Variants in CNOT4 observed in about 807,000 individuals in gnomAD.
The protein encoded by CNOT4 is CCR4-associated factor 4.
A neutral mutation model predicts 73.8 loss-of-function variants in CNOT4; 8 were observed. That is an observed-to-expected ratio of 0.11 (90% CI 0.06 to 0.20). The LOEUF (loss-of-function observed/expected upper bound fraction) is 0.20. CNOT4 is among the 10% of genes least tolerant of loss of function. The probability of loss-of-function intolerance (pLI) is 1.00; values close to 1 mark genes in which losing one functional copy is unlikely to be tolerated. For synonymous variants in CNOT4, 293 were observed against 321.1 expected (o/e 0.91, Z 0.94); for missense variants, 564 against 883.4 (o/e 0.64, Z 4.58).
At chr7:135,453,871 C>G (rs886171310) in intron 1 of CNOT4, among the ~76,000 whole-genome samples, 1 of 119,934 alleles carries the variant, frequency 8.3e-6, no homozygotes, top group Non-Finnish European at 1.8e-5. Context: ...GGTACAGCAG[C>G]TCATGCCTAT....
At chr7:135,406,195 C>T (rs1436585866) in intron 7 of CNOT4, among the ~76,000 whole-genome samples, 2 of 152,000 alleles carry the variant, frequency 1.3e-5, no homozygotes, top group African/African-American at 2.4e-5. Context: ...GCAGACCTTT[C>T]GCTATGACTG....
At chr7:135,416,015 T>C (rs1171620410) in intron 3 of CNOT4, among the ~76,000 whole-genome samples, 3 of 152,162 alleles carry the variant, frequency 2.0e-5, no homozygotes, top group African/African-American at 7.2e-5. Context: ...TCTTACAAAC[T>C]TAACCTTGGC....
At chr7:135,438,514 T>C in intron 1 of CNOT4, 91 bp from the exon 2 acceptor site, 2 of 415,140 alleles carry the variant, frequency 4.8e-6, no homozygotes, top group Non-Finnish European at 8.3e-6. Flanking sequence ...ATTTGAAAAA[T>C]ACTGACTGAG....
intron 10 of CNOT4, among the ~76,000 whole-genome samples, chr7:135,378,984 C>CAA (rs34447722): frequency 0.024 from 2,372 of 96,994 alleles, 35 homozygotes; most frequent in Non-Finnish European, 0.032. Context: ...AACCCTGTCT[C>CAA]AAAAAAAAAA....
intron 7 of CNOT4, among the ~76,000 whole-genome samples, chr7:135,399,662 T>C (rs1371539496): frequency 2.6e-5 from 4 of 152,118 alleles, no homozygotes; most frequent in Admixed American, 2.6e-4. Context: ...ATACCATATT[T>C]AATTGCTCTA....
At chr7:135,479,480 A>G (rs892161443) in intron 1 of CNOT4, among the ~76,000 whole-genome samples, 3 of 151,938 alleles carry the variant, frequency 2.0e-5, no homozygotes, top group Non-Finnish European at 2.9e-5. Flanking sequence ...AAGTGCTGGG[A>G]TTACAGGCAT....
chr7:135,441,330 C>CT (rs1174798427), intron 1 of CNOT4, among the ~76,000 whole-genome samples: 21 of 151,276 alleles, frequency 1.4e-4, no homozygotes, highest in Non-Finnish European at 2.7e-4. Flanking sequence ...TTACTTCTCA[C>CT]TTTTGCTAAT....
chr7:135,500,546 AC>A (rs1448437287), intron 1 of CNOT4, among the ~76,000 whole-genome samples: 1 of 152,152 alleles, frequency 6.6e-6, no homozygotes, highest in Non-Finnish European at 1.5e-5. Flanking sequence ...GTTTAACCAG[AC>A]CTGTTTTTTA....
chr7:135,422,663 T>C (rs1308347097), intron 2 of CNOT4, among the ~76,000 whole-genome samples: 1 of 152,172 alleles, frequency 6.6e-6, no homozygotes, highest in African/African-American at 2.4e-5. Context: ...TATGGGAAGA[T>C]TAAGCCTCTA....
chr7:135,434,541 G>C (rs1799037087), intron 2 of CNOT4, among the ~76,000 whole-genome samples: 1 of 152,182 alleles, frequency 6.6e-6, no homozygotes, highest in South Asian at 2.1e-4. Flanking sequence ...CTGTAATCTG[G>C]ATTTCTTTTT....
intron 1 of CNOT4, among the ~76,000 whole-genome samples, chr7:135,504,318 C>CA (rs1235310246): frequency 1.4e-4 from 20 of 144,696 alleles, no homozygotes; most frequent in African/African-American, 7.7e-5. Flanking sequence ...TTTTTGGAGA[C>CA]AAAGTCTCAC....
rs1156589739 is a variant in CNOT4, at chr7:135,472,476, C to CAAAA, written c.-92-34057_-92-34054dup. ...CGGGCGACAGAGCGAGACACCGACT[C>CAAAA]AAAAAAAAAAAAAAAAAAAAAAAAA... On this transcript the variant is annotated intron_variant, in intron 1 of 11. Transcript: ENST00000541284. 1.3e-4 allele frequency among the ~76,000 whole-genome samples: 2 copies of CAAAA among 15,464 alleles called. 1 individual carries two copies. Among genetic ancestry groups the CAAAA allele is most frequent in the Admixed American group, 3.8e-3 (2 of 526 alleles). 10.1% of individuals were successfully genotyped at this position (15,464 alleles called of 152,430 possible). A position where few individuals can be genotyped will look rare whatever the true frequency, so the allele number is the denominator to read the frequency against.
intron 10 of CNOT4, among the ~76,000 whole-genome samples, chr7:135,383,849 G>A (rs924797561): frequency 6.6e-6 from 1 of 152,154 alleles, no homozygotes; most frequent in African/African-American, 2.4e-5. Flanking sequence ...ACAGGAAACT[G>A]CCTTAATAGA....
chr7:135,393,858 A>T (rs2129483355), intron 10 of CNOT4, 60 bp downstream of exon 10: 1 of 1,214,968 alleles, frequency 8.2e-7, no homozygotes, highest in South Asian at 1.4e-5. Context: ...TTCCCTATCC[A>T]CCCAACAACC....
chr7:135,393,676 T>A (rs1403783755), intron 10 of CNOT4, among the ~76,000 whole-genome samples: 1 of 152,214 alleles, frequency 6.6e-6, no homozygotes, highest in African/African-American at 2.4e-5. Context: ...TTGGTAATTA[T>A]CCTATTAAGT....
chr7:135,420,649 C>T (rs1272314975), intron 3 of CNOT4, among the ~76,000 whole-genome samples: 1 of 150,546 alleles, frequency 6.6e-6, no homozygotes, highest in Non-Finnish European at 1.5e-5. Flanking sequence ...GCATAAGTGC[C>T]CGTTGGTTAG....
chr7:135,398,189 T>C lies in CNOT4; in HGVS notation c.859A>G (p.Asn287Asp). The change falls in exon 8 of 12, where the codon AAC becomes GAC. Residue 287 changes from asparagine to aspartate, a missense_variant. By Grantham distance (23) the Asn-to-Asp change is conservative. Transcript: ENST00000541284. ...CTTACCTGCTGGGAATTATCACCGT[T>C]CCCTATACTGAGAGAATCTGAAGGT... Reference protein sequence around the residue: ...DKPSDSLSIGNGDNSQQISNS... With the variant: ...DKPSDSLSIGDGDNSQQISNS... 6.4e-7 allele frequency: 1 copy of C among 1,553,296 alleles called. No homozygotes were observed. Among genetic ancestry groups the C allele is most frequent in the African/African-American group, 1.4e-5 (1 of 73,706 alleles).
At chr7:135,474,010 C>T (rs1801817377) in intron 1 of CNOT4, among the ~76,000 whole-genome samples, 1 of 145,368 alleles carries the variant, frequency 6.9e-6, no homozygotes, top group Non-Finnish European at 1.5e-5. Flanking sequence ...GACAGAGTCT[C>T]ACTGTGTTGC....
chr7:135,471,306 A>G (rs2129486722), intron 1 of CNOT4, among the ~76,000 whole-genome samples: 1 of 152,300 alleles, frequency 6.6e-6, no homozygotes, highest in East Asian at 1.9e-4. Context: ...CAATTCATTC[A>G]GAGACCACTC....
Sources: gnomAD v4.1 joint callset for allele counts (sites outside exome capture counted in the v4.1 genomes callset) on GRCh38, gnomAD v4.1.1 for gene constraint, MANE v1.5 for transcripts, NCBI Gene and HGNC (gene_info 2026-07-23, HGNC 2026-07-21) for gene names.